Variants in NKAIN2 observed in about 807,000 individuals in gnomAD.
The protein encoded by NKAIN2 is sodium/potassium transporting ATPase interacting 2, also known as sodium/potassium-transporting ATPase subunit beta-1-interacting protein 2.
NKAIN2 carries 14 observed loss-of-function variants against 32.6 expected under a neutral mutation model. The ratio of observed to expected loss-of-function variants is 0.43; its 90% CI spans 0.28 to 0.67. NKAIN2 has a LOEUF of 0.67. NKAIN2 is among the 30% of genes least tolerant of loss of function. The pLI is 0.17. For synonymous variants in NKAIN2, 80 were observed against 87.2 expected (o/e 0.92, Z 0.46); for missense variants, 198 against 258.3 (o/e 0.77, Z 1.60).
intron 4 of NKAIN2, among the ~76,000 whole-genome samples, chr6:124,779,803 A>G (rs979235062): frequency 2.0e-5 from 3 of 152,172 alleles, no homozygotes; most frequent in South Asian, 4.1e-4. Flanking sequence ...TTCACAGTCA[A>G]CCATAGACTC....
At chr6:124,191,763 T>C (rs1190130965) in intron 1 of NKAIN2, among the ~76,000 whole-genome samples, 1 of 152,236 alleles carries the variant, frequency 6.6e-6, no homozygotes, top group East Asian at 1.9e-4. Context: ...GTGTCCTATC[T>C]ACTCATTCCT....
At chr6:124,556,291 T>G (rs538758027) in intron 3 of NKAIN2, among the ~76,000 whole-genome samples, 1 of 152,304 alleles carries the variant, frequency 6.6e-6, no homozygotes, top group South Asian at 2.1e-4. Flanking sequence ...CACTGCAAAC[T>G]CTTGACATAT....
chr6:124,065,293 G>C lies in NKAIN2; in HGVS notation c.55-217712G>C, dbSNP rs950112196. 1.3e-4 allele frequency among the ~76,000 whole-genome samples: 20 copies of C among 151,712 alleles called. No homozygotes were observed. The Middle Eastern group carries it at 0.01, about 78-fold the overall frequency. Reference sequence around the variant, plus strand: ...GATTCCACTTGATTTATTAAAATATGCACTCACTAGCTGCCTTTCCATATG... The same window carrying C: ...GATTCCACTTGATTTATTAAAATATCCACTCACTAGCTGCCTTTCCATATG... On this transcript the variant is annotated intron_variant, in intron 1 of 6. Transcript: ENST00000368417.
At chr6:124,560,718 T>C (rs1344695572) in intron 3 of NKAIN2, among the ~76,000 whole-genome samples, 1 of 152,242 alleles carries the variant, frequency 6.6e-6, no homozygotes, top group Non-Finnish European at 1.5e-5. Flanking sequence ...CCTAAGATTC[T>C]ATGTGAAAAA....
intron 3 of NKAIN2, among the ~76,000 whole-genome samples, chr6:124,363,896 GAGA>G (rs527511602): frequency 4.5e-4 from 69 of 152,204 alleles, no homozygotes; most frequent in African/African-American, 1.5e-3. Context: ...ATGATTGAAA[GAGA>G]AGAAGAAGAT....
In NKAIN2 at chr6:124,444,908, A is replaced by C. The variant is rs936985513; in HGVS notation, c.273+89561A>C. On this transcript the variant is annotated intron_variant, in intron 3 of 6. Coordinates refer to ENST00000368417, the MANE Select transcript of NKAIN2 (RefSeq NM_001040214.3). ...AAATATTGCTGAAGGATGTATGTAC[A>C]GAATTTAGAATATACAATTATTTGG... 1.2e-4 allele frequency among the ~76,000 whole-genome samples: 18 copies of C among 152,156 alleles called. No homozygotes were observed. The South Asian group carries it at 2.9e-3, about 25-fold the overall frequency.
At chr6:124,421,878 A>G (rs1389785138) in intron 3 of NKAIN2, among the ~76,000 whole-genome samples, 2 of 152,182 alleles carry the variant, frequency 1.3e-5, no homozygotes, top group Non-Finnish European at 2.9e-5. Context: ...TTTAGGAAGA[A>G]AGGGAGAGGT....
chr6:123,885,727 T>C (rs1464551717), intron 1 of NKAIN2, among the ~76,000 whole-genome samples: 1 of 152,054 alleles, frequency 6.6e-6, no homozygotes, highest in Admixed American at 6.6e-5. Context: ...TGTCCTCACA[T>C]TGATTTTCTA....
chr6:124,563,786 T>C lies in NKAIN2; in HGVS notation c.274-94400T>C, dbSNP rs2114900040. 2.0e-5 allele frequency among the ~76,000 whole-genome samples: 3 copies of C among 152,216 alleles called. No individual in the cohort carries two copies. In the Middle Eastern group the frequency reaches 0.01, roughly 518 times the overall value. On this transcript the variant is annotated intron_variant, in intron 3 of 6. Transcript: ENST00000368417. ...TCAAGCAATTCTGGATTCTCGCGCC[T>C]CAGCCTCCGGAGTAGCTGGGAGTAT... is the stretch of plus-strand genomic sequence containing the variant.
At chr6:124,418,703 C>A (rs1774611061) in intron 3 of NKAIN2, among the ~76,000 whole-genome samples, 1 of 151,324 alleles carries the variant, frequency 6.6e-6, no homozygotes, top group African/African-American at 2.4e-5. Flanking sequence ...TGATTTCTTA[C>A]ACCTTGTGTC....
chr6:124,386,394 G>C (rs930376662), intron 3 of NKAIN2, among the ~76,000 whole-genome samples: 82 of 152,226 alleles, frequency 5.4e-4, no homozygotes, highest in African/African-American at 1.9e-3. Flanking sequence ...CTGGTTCACT[G>C]TTGCTTTGAC....
intron 4 of NKAIN2, among the ~76,000 whole-genome samples, chr6:124,705,463 C>G (rs1775011728): frequency 1.3e-5 from 2 of 151,956 alleles, no homozygotes; most frequent in African/African-American, 2.4e-5. Context: ...GGATAGTGAA[C>G]ATTGTAAGAA....
At chr6:124,615,752 C>T (rs1371724368) in intron 3 of NKAIN2, among the ~76,000 whole-genome samples, 1 of 152,082 alleles carries the variant, frequency 6.6e-6, no homozygotes, top group Non-Finnish European at 1.5e-5. Flanking sequence ...TTGATATTGT[C>T]CTACAGATTC....
At chr6:124,632,492 G>A (rs892369466) in intron 3 of NKAIN2, among the ~76,000 whole-genome samples, 17 of 152,034 alleles carry the variant, frequency 1.1e-4, no homozygotes, top group African/African-American at 4.1e-4. Flanking sequence ...CAATATTTGT[G>A]CCTTAAACTT....
At chr6:123,935,078 T>C (rs1200635782) in intron 1 of NKAIN2, among the ~76,000 whole-genome samples, 1 of 147,490 alleles carries the variant, frequency 6.8e-6, no homozygotes, top group Non-Finnish European at 1.5e-5. Flanking sequence ...TCTATATATA[T>C]ATTTGGAATA....
intron 3 of NKAIN2, among the ~76,000 whole-genome samples, chr6:124,514,690 ATTCAGTAGTTCAGTAAATATGGAATT>A (rs1329432196): frequency 1.3e-5 from 2 of 151,772 alleles, no homozygotes; most frequent in Non-Finnish European, 2.9e-5. Context: ...ACAAATCTTA[ATTCAGTAGTTCAGTAAATATGGAATT>A]TTCAGTAGTT....
intron 1 of NKAIN2, among the ~76,000 whole-genome samples, chr6:124,112,341 G>C (rs190066222): frequency 1.6e-4 from 24 of 152,194 alleles, no homozygotes; most frequent in Non-Finnish European, 3.4e-4. Flanking sequence ...AGTATTATTT[G>C]ATGACAGTTT....
chr6:124,456,569 A>G (rs139417159), intron 3 of NKAIN2, among the ~76,000 whole-genome samples: 30 of 152,068 alleles, frequency 2.0e-4, no homozygotes, highest in African/African-American at 6.7e-4. Flanking sequence ...TTCAGAATTC[A>G]CAGTGAATAT....
chr6:124,773,397 G>A (rs1347296320), intron 4 of NKAIN2, among the ~76,000 whole-genome samples: 1 of 152,080 alleles, frequency 6.6e-6, no homozygotes, highest in Non-Finnish European at 1.5e-5. Flanking sequence ...GAAAGGAATG[G>A]TAGAATGGGA....
Sources: allele counts gnomAD v4.1 joint callset (sites outside exome capture counted in the v4.1 genomes callset), GRCh38; gene constraint gnomAD v4.1.1; transcripts MANE v1.5; gene names NCBI Gene and HGNC (gene_info 2026-07-23, HGNC 2026-07-21).